ANKRD6: variants seen among roughly 807,000 people sequenced by gnomAD.
ANKRD6 encodes the protein ankyrin repeat domain 6.
In ANKRD6, 56 loss-of-function variants were observed where a neutral mutation model predicts 82.3. The ratio of observed to expected loss-of-function variants is 0.68; its 90% CI spans 0.55 to 0.85. The LOEUF is 0.85. Ranked by LOEUF, ANKRD6 falls within the 40% of genes least tolerant of loss-of-function variation. The pLI, the probability that ANKRD6 is intolerant of heterozygous loss-of-function variation, is 0.00. For synonymous variants in ANKRD6, 347 were observed against 352.1 expected (o/e 0.99, Z 0.16); for missense variants, 852 against 907.6 (o/e 0.94, Z 0.79).
At chr6:89,497,854 A>G (rs1267163395) in intron 1 of ANKRD6, among the ~76,000 whole-genome samples, 1 of 152,196 alleles carries the variant, frequency 6.6e-6, no homozygotes, top group African/African-American at 2.4e-5. Flanking sequence ...AAAGTTTCCT[A>G]ATGCCATTTA....
chr6:89,494,637 A>T (rs1778387120), intron 1 of ANKRD6, among the ~76,000 whole-genome samples: 1 of 152,252 alleles, frequency 6.6e-6, no homozygotes, highest in Middle Eastern at 3.4e-3. Flanking sequence ...GCTGCTGCCT[A>T]ATTACAGAAG....
intron 2 of ANKRD6, among the ~76,000 whole-genome samples, chr6:89,579,756 CA>C (rs61159223): frequency 1.5e-4 from 10 of 68,506 alleles, no homozygotes; most frequent in Admixed American, 4.9e-4. Context: ...GACCCTGTCT[CA>C]AAAAAAAAAA....
At chr6:89,486,418 C>T (rs1777382942) in intron 1 of ANKRD6, among the ~76,000 whole-genome samples, 1 of 152,028 alleles carries the variant, frequency 6.6e-6, no homozygotes, top group South Asian at 2.1e-4. Context: ...GACAAAATCA[C>T]CTAACAGTAC....
intron 1 of ANKRD6, among the ~76,000 whole-genome samples, chr6:89,448,436 GA>G (rs71024376): frequency 4.8e-5 from 7 of 144,502 alleles, no homozygotes; most frequent in Non-Finnish European, 9.1e-5. Context: ...TGTCAAAAAA[GA>G]AAAAAAAAAA....
chr6:89,461,666 A>G (rs1268283315), intron 1 of ANKRD6, among the ~76,000 whole-genome samples: 2 of 152,202 alleles, frequency 1.3e-5, no homozygotes, highest in Non-Finnish European at 2.9e-5. Flanking sequence ...ATGGTAGTAT[A>G]AGCTCTCTAG....
chr6:89,628,792 A>AC (rs1460887592), intron 14 of ANKRD6: 6 of 267,296 alleles, frequency 2.2e-5, no homozygotes, highest in South Asian at 1.3e-4. Flanking sequence ...AAACAAACAA[A>AC]AAAAAAAACT....
At chr6:89,464,445 C>T (rs900280722) in intron 1 of ANKRD6, among the ~76,000 whole-genome samples, 7 of 152,162 alleles carry the variant, frequency 4.6e-5, no homozygotes, top group Admixed American at 3.3e-4. Flanking sequence ...TCCCAAGGTG[C>T]CCTAGGTGGT....
intron 1 of ANKRD6, among the ~76,000 whole-genome samples, chr6:89,451,202 G>A (rs762721360): frequency 4.6e-5 from 7 of 152,062 alleles, no homozygotes; most frequent in Non-Finnish European, 8.8e-5. Context: ...TCAGCTGCTC[G>A]GAAGGCTGAA....
intron 1 of ANKRD6, among the ~76,000 whole-genome samples, chr6:89,483,782 A>G (rs1284214551): frequency 6.6e-6 from 1 of 152,228 alleles, no homozygotes; most frequent in Non-Finnish European, 1.5e-5. Context: ...GTGCACGTGT[A>G]TGTGCATTTA....
At chr6:89,490,834 G>T (rs987013513) in intron 1 of ANKRD6, among the ~76,000 whole-genome samples, 20 of 152,030 alleles carry the variant, frequency 1.3e-4, no homozygotes, top group African/African-American at 4.8e-4. Flanking sequence ...TCAAATGGTG[G>T]CCCCCCAAAA....
chr6:89,470,989 T>A (rs142102105), intron 1 of ANKRD6, among the ~76,000 whole-genome samples: 4 of 152,256 alleles, frequency 2.6e-5, no homozygotes, highest in African/African-American at 9.6e-5. Flanking sequence ...TTATATATAA[T>A]GCATTTCTTT....
chr6:89,442,969 C>G (rs957987489), intron 1 of ANKRD6, among the ~76,000 whole-genome samples: 1 of 152,158 alleles, frequency 6.6e-6, no homozygotes, highest in African/African-American at 2.4e-5. Context: ...AGACTCTTTG[C>G]AGAAGCAATT....
chr6:89,571,268 G>T (rs1480536895), intron 2 of ANKRD6, among the ~76,000 whole-genome samples: 2 of 151,982 alleles, frequency 1.3e-5, no homozygotes, highest in Non-Finnish European at 2.9e-5. Flanking sequence ...TTAGCCAGGG[G>T]TGGTCTCGAT....
intron 1 of ANKRD6, among the ~76,000 whole-genome samples, chr6:89,461,414 G>A (rs957993041): frequency 3.3e-5 from 5 of 152,166 alleles, no homozygotes; most frequent in African/African-American, 7.2e-5. Context: ...TTTCTTATGT[G>A]CTGCAGTATT....
At chr6:89,553,991 C>T (rs1421962410) in intron 1 of ANKRD6, among the ~76,000 whole-genome samples, 1 of 152,140 alleles carries the variant, frequency 6.6e-6, no homozygotes, top group Non-Finnish European at 1.5e-5. Context: ...TATTGGAGCT[C>T]TGGTTCTTGG....
chr6:89,471,836 G>A (rs1025256558), intron 1 of ANKRD6, among the ~76,000 whole-genome samples: 1 of 151,188 alleles, frequency 6.6e-6, no homozygotes, highest in Non-Finnish European at 1.5e-5. Flanking sequence ...GAAGGAGGGA[G>A]GCCGAGGCAG....
intron 1 of ANKRD6, among the ~76,000 whole-genome samples, chr6:89,512,595 G>C (rs558861137): frequency 2.0e-5 from 3 of 152,198 alleles, no homozygotes; most frequent in Non-Finnish European, 4.4e-5. Context: ...AGCAGCATCT[G>C]TGTTTGTCTG....
chr6:89,566,940 G>C lies in ANKRD6; in HGVS notation c.-37G>C. On this transcript the variant is annotated 5_prime_UTR_variant, in exon 2 of 16. Transcript: ENST00000339746. Reference sequence around the variant, plus strand: ...ACTTCGTGTTGAGCTGAAGGAACTTGTCTACCGCTTCCCTGAAAACCTTTC... The same window carrying C: ...ACTTCGTGTTGAGCTGAAGGAACTTCTCTACCGCTTCCCTGAAAACCTTTC... The C allele has an allele frequency of 6.4e-7, 1 of 1,554,328 alleles. No individual in the cohort carries two copies. Among genetic ancestry groups the C allele is most frequent in the Non-Finnish European group, 8.7e-7 (1 of 1,148,312 alleles).
At chr6:89,509,026 A>T (rs987641382) in intron 1 of ANKRD6, 8 of 152,290 alleles carry the variant, frequency 5.3e-5, no homozygotes, top group African/African-American at 1.7e-4. Context: ...TTGCACAGGG[A>T]TGGGAGGAGG....
Sources: gnomAD v4.1 joint callset for allele counts (sites outside exome capture counted in the v4.1 genomes callset) on GRCh38, gnomAD v4.1.1 for gene constraint, MANE v1.5 for transcripts, NCBI Gene and HGNC (gene_info 2026-07-23, HGNC 2026-07-21) for gene names.